The following PACSIN2 variants were observed in gnomAD, a reference collection of about 807,000 sequenced individuals.
PACSIN2 encodes the protein protein kinase C and casein kinase substrate in neurons protein 2.
A neutral mutation model predicts 63.8 loss-of-function variants in PACSIN2; 25 were observed. That is an observed-to-expected ratio of 0.39 (90% CI 0.29 to 0.55). PACSIN2 has a LOEUF of 0.55. Among genes scored for constraint, PACSIN2 ranks in the 20% least tolerant of loss-of-function variants. The pLI is 0.62. For missense variants in PACSIN2, 518 were observed against 646.9 expected (o/e 0.80, Z 2.16); for synonymous variants, 255 against 256.2 (o/e 1.00, Z 0.05).
intron 1 of PACSIN2, among the ~76,000 whole-genome samples, chr22:42,978,173 C>G (rs1239470843): frequency 6.6e-6 from 1 of 152,142 alleles, no homozygotes; most frequent in African/African-American, 2.4e-5. Context: ...AGCTTAAATT[C>G]AGGGGTGTGT....
intron 6 of PACSIN2, among the ~76,000 whole-genome samples, chr22:42,883,728 A>G (rs975573691): frequency 2.6e-5 from 4 of 152,244 alleles, no homozygotes; most frequent in Admixed American, 2.0e-4. Context: ...AGCTGCGGCC[A>G]GGTGCGGTGG....
intron 1 of PACSIN2, among the ~76,000 whole-genome samples, chr22:43,012,154 A>AATAAATACATACATAC (rs766579102): frequency 7.5e-6 from 1 of 133,906 alleles, no homozygotes; most frequent in Non-Finnish European, 1.6e-5. Context: ...AAAATAAATA[A>AATAAATACATACATAC]ATACATACAT....
intron 7 of PACSIN2, among the ~76,000 whole-genome samples, chr22:42,881,436 C>A (rs913598499): frequency 1.3e-5 from 2 of 152,200 alleles, no homozygotes; most frequent in Non-Finnish European, 2.9e-5. Flanking sequence ...GGGCTCTGGC[C>A]GCTGCTGAGT....
At chr22:42,978,290 GC>G (rs1921846395) in intron 1 of PACSIN2, among the ~76,000 whole-genome samples, 1 of 152,114 alleles carries the variant, frequency 6.6e-6, no homozygotes. Flanking sequence ...GTTGTGGAAG[GC>G]TCTGCTACAA....
intron 2 of PACSIN2, chr22:42,909,685 A>C (rs559192445): frequency 1.1e-4 from 47 of 435,432 alleles, no homozygotes; most frequent in South Asian, 7.3e-4. Flanking sequence ...AACAGGGAGC[A>C]TAAGAGCTTA....
intron 2 of PACSIN2, chr22:42,909,364 C>T: frequency 2.8e-6 from 1 of 357,436 alleles, no homozygotes; most frequent in Non-Finnish European, 5.6e-6. Context: ...TTTTCCACCT[C>T]AAGACCACAA....
Position 42,891,058 on chromosome 22 carries a change from G to C in PACSIN2, c.342C>G (p.Asn114Lys), listed in dbSNP as rs1437242750. ...GCTTGTGAAAGGCTTCCTTCTGCCAGTTCTTGATCTTCTCGAAGTCATCGT... is the reference window on the plus strand; with the variant it reads ...GCTTGTGAAAGGCTTCCTTCTGCCACTTCTTGATCTTCTCGAAGTCATCGT... ...LMNDDFEKIK[N>K]WQKEAFHKQM... Residue 114 changes from asparagine to lysine, a missense_variant, in exon 4 of 11, where the codon AAC becomes AAG. Physicochemically the swap from Asn to Lys is moderately conservative, Grantham distance 94 (BLOSUM62 0). Around this residue, in one of 2 missense-constraint regions of PACSIN2, gnomAD observed 507 missense variants for 612.3 expected, o/e 0.83. Transcript: ENST00000263246. 22 of 1,614,050 alleles carry C rather than the reference G, an allele frequency of 1.4e-5. No homozygotes were observed. Among genetic ancestry groups the C allele is most frequent in the African/African-American group, 4.0e-5 (3 of 74,920 alleles).
chr22:42,935,836 A>AC (rs1428819046), intron 1 of PACSIN2, among the ~76,000 whole-genome samples: 1 of 152,046 alleles, frequency 6.6e-6, no homozygotes, highest in East Asian at 1.9e-4. Flanking sequence ...GCTCCATGGC[A>AC]CCCCTGAGAG....
intron 3 of PACSIN2, 23 bp from the exon 4 acceptor site, chr22:42,891,205 G>A (rs778995301): frequency 2.4e-5 from 37 of 1,553,506 alleles, no homozygotes; most frequent in South Asian, 3.3e-5. Context: ...GAGAAGCTGC[G>A]GGTCACTCAG....
intron 1 of PACSIN2, among the ~76,000 whole-genome samples, chr22:42,917,081 G>GC (rs1401661445): frequency 6.6e-6 from 1 of 152,000 alleles, no homozygotes; most frequent in Non-Finnish European, 1.5e-5. Flanking sequence ...CAGACACTGC[G>GC]CCCCATGCAC....
intron 1 of PACSIN2, among the ~76,000 whole-genome samples, chr22:42,974,370 G>A (rs1469752020): frequency 6.6e-6 from 1 of 152,158 alleles, no homozygotes; most frequent in African/African-American, 2.4e-5. Context: ...AGTAGGGAAG[G>A]ATGCCAGCTC....
At chr22:42,925,805 T>C (rs1485191927) in intron 1 of PACSIN2, among the ~76,000 whole-genome samples, 1 of 152,216 alleles carries the variant, frequency 6.6e-6, no homozygotes, top group African/African-American at 2.4e-5. Flanking sequence ...GGTTCTACCC[T>C]GCCTGTCTAC....
intron 1 of PACSIN2, among the ~76,000 whole-genome samples, chr22:42,964,614 TACCTGGCA>T (rs1359330832): frequency 1.3e-5 from 2 of 151,838 alleles, no homozygotes; most frequent in East Asian, 3.9e-4. Flanking sequence ...GGAGGTGGGG[TACCTGGCA>T]GCCTGGCACA....
chr22:43,009,478 C>T (rs1428027046), intron 1 of PACSIN2, among the ~76,000 whole-genome samples: 2 of 152,204 alleles, frequency 1.3e-5, no homozygotes, highest in East Asian at 1.9e-4. Context: ...TCTGGGTCCA[C>T]GCCTATGAAG....
intron 2 of PACSIN2, among the ~76,000 whole-genome samples, chr22:42,898,367 G>T (rs1481274456): frequency 6.6e-6 from 1 of 151,916 alleles, no homozygotes; most frequent in African/African-American, 2.4e-5. Context: ...TGCCTCCTTG[G>T]TTCAAGCGAT....
chr22:43,012,611 G>A (rs1924575745), intron 1 of PACSIN2, among the ~76,000 whole-genome samples: 1 of 151,874 alleles, frequency 6.6e-6, no homozygotes, highest in African/African-American at 2.4e-5. Context: ...CTCCCAAGTA[G>A]CTGAGGCTGA....
chr22:42,988,847 T>A (rs894270644), intron 1 of PACSIN2, among the ~76,000 whole-genome samples: 3 of 151,834 alleles, frequency 2.0e-5, no homozygotes, highest in African/African-American at 4.8e-5. Context: ...GGAAAAAATA[T>A]AGAAACTTAA....
chr22:42,964,033 T>G (rs990590304), intron 1 of PACSIN2, among the ~76,000 whole-genome samples: 1 of 152,198 alleles, frequency 6.6e-6, no homozygotes, highest in African/African-American at 2.4e-5. Context: ...TAGGACATTT[T>G]CATTACCTCA....
At chr22:42,973,803 G>T (rs1214403839) in intron 1 of PACSIN2, among the ~76,000 whole-genome samples, 1 of 152,218 alleles carries the variant, frequency 6.6e-6, no homozygotes, top group Non-Finnish European at 1.5e-5. Context: ...TGTTTCCTTG[G>T]CACCTAGCAC....
Sources: gnomAD v4.1 joint callset for allele counts (sites outside exome capture counted in the v4.1 genomes callset) on GRCh38, gnomAD v4.1.1 for gene constraint, gnomAD v4.1.1 regional missense constraint, MANE v1.5 for transcripts, NCBI Gene and HGNC (gene_info 2026-07-23, HGNC 2026-07-21) for gene names.